The following BCAS3 variants were observed in gnomAD, a reference collection of about 807,000 sequenced individuals.
BCAS3 encodes BCAS4/BCAS3 fusion.
BCAS3 carries 53 observed loss-of-function variants against 116.1 expected under a neutral mutation model. That is an observed-to-expected ratio of 0.46 (90% CI 0.37 to 0.57). The LOEUF is 0.57. BCAS3 is among the 20% of genes least tolerant of loss of function. BCAS3 has a pLI of 0.00. For missense variants in BCAS3, 917 were observed against 1,165.4 expected (o/e 0.79, Z 3.10); for synonymous variants, 391 against 408.2 (o/e 0.96, Z 0.51).
chr17:60,872,446 T>C (rs74470382), intron 8 of BCAS3, among the ~76,000 whole-genome samples: 18,251 of 150,464 alleles, frequency 0.12, 3,369 homozygotes, highest in African/African-American at 0.4. Flanking sequence ...TATGTATATA[T>C]ACACATACAC....
intron 13 of BCAS3, among the ~76,000 whole-genome samples, chr17:60,928,891 G>C (rs1326725256): frequency 6.6e-6 from 1 of 152,032 alleles, no homozygotes; most frequent in Admixed American, 6.6e-5. Context: ...CCTTCTGATT[G>C]GTGTACATAC....
At position 60,679,526 on chromosome 17, in the gene BCAS3, C is replaced by G. The variant is rs781473256; in HGVS notation, c.69C>G (p.Arg23=). The part of the protein sequence containing the change: ...PSRCTGGVVV[R]PQAVTEQSYM... Reference sequence around the variant, plus strand: ...GTTGTACTGGTGGAGTTGTGGTTCGCCCCCAGGCTGTCACGTAAGCACATT... The same window carrying G: ...GTTGTACTGGTGGAGTTGTGGTTCGGCCCCAGGCTGTCACGTAAGCACATT... Residue 23 remains arginine (R), a synonymous_variant, in exon 2 of 24, where the codon CGC becomes CGG. Transcript: ENST00000407086. 2.5e-6 allele frequency: 4 copies of G among 1,612,614 alleles called. No individual in the cohort carries two copies. The highest frequency in any genetic ancestry group is 2.7e-5 in the African/African-American group (2 of 74,894).
At chr17:60,727,542 C>A in intron 5 of BCAS3, 1 of 1,243,766 alleles carries the variant, frequency 8.0e-7, no homozygotes, top group Non-Finnish European at 1.1e-6. Context: ...CTGAGACTCT[C>A]GCCTCGCAAA....
intron 14 of BCAS3, among the ~76,000 whole-genome samples, chr17:60,958,351 A>C (rs1011284379): frequency 3.9e-5 from 6 of 152,210 alleles, no homozygotes; most frequent in Non-Finnish European, 8.8e-5. Flanking sequence ...AAAGGATTTT[A>C]TTTTATTTTT....
chr17:60,720,698 G>A (rs1371094750), intron 5 of BCAS3, among the ~76,000 whole-genome samples: 1 of 152,190 alleles, frequency 6.6e-6, no homozygotes, highest in Non-Finnish European at 1.5e-5. Context: ...GGTATTGTAA[G>A]TAATTTAGAG....
chr17:60,730,666 C>T (rs1049514769), intron 5 of BCAS3, among the ~76,000 whole-genome samples: 9 of 152,034 alleles, frequency 5.9e-5, no homozygotes, highest in Non-Finnish European at 1.3e-4. Context: ...TCAAAGTATG[C>T]TATCTTAAGT....
At chr17:60,822,775 G>A (rs2050074795) in intron 7 of BCAS3, among the ~76,000 whole-genome samples, 1 of 152,158 alleles carries the variant, frequency 6.6e-6, no homozygotes, top group East Asian at 1.9e-4. Context: ...TTGAATCTGA[G>A]CTTCTTTGTG....
chr17:61,026,435 A>G lies in BCAS3; in HGVS notation c.1638-8231A>G, dbSNP rs1251442272. Among the ~76,000 whole-genome samples, 1 of 152,026 alleles carries G rather than the reference A, an allele frequency of 6.6e-6. No individual in the cohort carries two copies. The highest frequency in any genetic ancestry group is 1.5e-5 in the Non-Finnish European group (1 of 67,942). On this transcript the variant is annotated intron_variant, in intron 16 of 23. Coordinates refer to ENST00000407086, the MANE Select transcript of BCAS3 (RefSeq NM_017679.5). The surrounding 1 kb of genome is among the most constrained non-coding windows in gnomAD (Gnocchi z 5.0). ...GACTGGAACCAGTGAAAAGCAGACA[A>G]TTCATATCAAATTTTTTATCCAGTC...
intron 22 of BCAS3, among the ~76,000 whole-genome samples, chr17:61,242,994 C>A (rs1195733062): frequency 1.3e-5 from 2 of 151,950 alleles, no homozygotes; most frequent in Non-Finnish European, 2.9e-5. Flanking sequence ...TCACTGCAAC[C>A]TCTGCCTCTT....
At chr17:60,903,445 G>T (rs2058025728) in intron 11 of BCAS3, among the ~76,000 whole-genome samples, 4 of 152,198 alleles carry the variant, frequency 2.6e-5, no homozygotes. Flanking sequence ...ACCCAAAAGG[G>T]AATTAACCAT....
intron 22 of BCAS3, among the ~76,000 whole-genome samples, chr17:61,210,837 C>T (rs570949365): frequency 1.3e-5 from 2 of 152,216 alleles, no homozygotes; most frequent in South Asian, 4.1e-4. Context: ...CCAGAGAAGC[C>T]GCTTTTCACG....
intron 4 of BCAS3, among the ~76,000 whole-genome samples, chr17:60,708,033 AGT>A (rs2143995812): frequency 6.6e-6 from 1 of 152,216 alleles, no homozygotes; most frequent in East Asian, 1.9e-4. Flanking sequence ...TTTTTAGAAA[AGT>A]GTGTAAGGCC....
chr17:61,345,112 T>G (rs976579803), intron 22 of BCAS3, among the ~76,000 whole-genome samples: 2 of 152,094 alleles, frequency 1.3e-5, no homozygotes, highest in African/African-American at 4.8e-5. Flanking sequence ...AGCTCTCTGA[T>G]GAAGAAAAGA....
intron 7 of BCAS3, chr17:60,811,199 G>A (rs2048780330): frequency 1.5e-6 from 1 of 686,796 alleles, no homozygotes; most frequent in Non-Finnish European, 2.6e-6. Flanking sequence ...GGATCCTGCT[G>A]CACCTAGAGT....
Position 61,332,277 on chromosome 17 carries a change from G to A in BCAS3, c.2426-36050G>A, listed in dbSNP as rs2056357756. Among the ~76,000 whole-genome samples the A allele has an allele frequency of 6.6e-6, 1 of 152,126 alleles. No homozygotes were observed. The highest frequency in any genetic ancestry group is 2.4e-5 in the African/African-American group (1 of 41,436). ...GACCCACCTAAAACAGTCTTACTAGGACAGCAGGCTTAAGGTATGCCCAGC... is the reference window on the plus strand; with the variant it reads ...GACCCACCTAAAACAGTCTTACTAGAACAGCAGGCTTAAGGTATGCCCAGC... On this transcript the variant is annotated intron_variant, in intron 22 of 23. Transcript: ENST00000407086. The surrounding 1 kb of genome is among the most constrained non-coding windows in gnomAD (Gnocchi z 5.4).
chr17:61,380,253 G>A lies in BCAS3; in HGVS notation c.2594-11724G>A. 1 of 533,664 alleles carries A rather than the reference G, an allele frequency of 1.9e-6. No homozygotes were observed. The highest frequency in any genetic ancestry group is 3.3e-5 in the East Asian group (1 of 30,310). The allele number at this position is 533,664 out of a possible 1,614,324, so 33.1% of individuals were successfully genotyped here. On this transcript the variant is annotated intron_variant, in intron 23 of 23. Transcript: ENST00000407086. The surrounding 1 kb of genome is among the most constrained non-coding windows in gnomAD (Gnocchi z 4.2). Reference sequence around the variant, plus strand: ...TCCCTACCCCAGCCCTGTGCAGCAGGCAGGAGTGTAGGAACTCAGGCAGCT... The same window carrying A: ...TCCCTACCCCAGCCCTGTGCAGCAGACAGGAGTGTAGGAACTCAGGCAGCT...
chr17:61,386,926 G>A (rs181479105), intron 23 of BCAS3, among the ~76,000 whole-genome samples: 6 of 151,998 alleles, frequency 3.9e-5, no homozygotes, highest in African/African-American at 7.2e-5. Flanking sequence ...TTACAGGCAC[G>A]TGCTACCACA....
chr17:61,360,000 C>A (rs528856289), intron 22 of BCAS3, among the ~76,000 whole-genome samples: 38 of 129,426 alleles, frequency 2.9e-4, no homozygotes, highest in African/African-American at 1.0e-3. Flanking sequence ...AGTGGCCTCC[C>A]ATAACTTTTC....
At chr17:61,016,028 TGG>T in intron 16 of BCAS3, 127 bp downstream of exon 16, 1 of 995,292 alleles carries the variant, frequency 1.0e-6, no homozygotes, top group Non-Finnish European at 1.5e-6. Flanking sequence ...TAAGACTTAA[TGG>T]CATCAGATTA....
Sources: allele counts gnomAD v4.1 joint callset (sites outside exome capture counted in the v4.1 genomes callset), GRCh38; gene constraint gnomAD v4.1.1; non-coding constraint Gnocchi (gnomAD v3.1); transcripts MANE v1.5; gene names NCBI Gene and HGNC (gene_info 2026-07-23, HGNC 2026-07-21).